Variants in ATRNL1 observed in about 807,000 individuals in gnomAD.
The protein encoded by ATRNL1 is attractin like 1, also known as attractin-like protein 1.
In ATRNL1, 95 loss-of-function variants were observed where a neutral mutation model predicts 182.7. That is an observed-to-expected ratio of 0.52 (90% confidence interval 0.44 to 0.62). The LOEUF (loss-of-function observed/expected upper bound fraction) is 0.62, where lower values mean the gene tolerates loss of function less well. ATRNL1 is among the 20% of genes least tolerant of loss of function. The pLI is 0.00. For missense variants in ATRNL1, 1,471 were observed against 1,679.5 expected, an observed-to-expected ratio of 0.88 and a Z score of 2.17; for synonymous variants, 576 against 568.3, an observed-to-expected ratio of 1.01 and a Z score of -0.19.
At chr10:115,280,420 G>A (rs749067874) in intron 13 of ATRNL1, among the ~76,000 whole-genome samples, 1 of 152,164 alleles carries the variant, frequency 6.6e-6, no homozygotes, top group African/African-American at 2.4e-5. Context: ...AAGGACCATG[G>A]TTTCATGGTG....
intron 27 of ATRNL1, among the ~76,000 whole-genome samples, chr10:115,841,668 ATTC>A (rs1197306735): frequency 6.6e-6 from 1 of 152,094 alleles, no homozygotes; most frequent in South Asian, 2.1e-4. Flanking sequence ...ATTAATATGA[ATTC>A]TTCTCCTTCC....
chr10:115,293,333 G>A (rs1307978113), intron 15 of ATRNL1, among the ~76,000 whole-genome samples: 1 of 151,844 alleles, frequency 6.6e-6, no homozygotes, highest in Admixed American at 6.6e-5. Context: ...CTTAAGTAAG[G>A]GAATTCATTT....
At position 115,265,127 on chromosome 10, in the gene ATRNL1, T is replaced by C. The variant is rs368250099; in HGVS notation, c.1688-66T>C. ...TATCTTTAATTCGGCCAATGATGTT[T>C]TCATATTATTTGTCTTAGTTTATTC... On this transcript the variant is annotated intron_variant, in intron 10 of 28. Coordinates refer to ENST00000355044, the MANE Select transcript of ATRNL1 (RefSeq NM_207303.4). The C allele has an allele frequency of 3.7e-5, 40 of 1,070,302 alleles. 1 individual carries two copies. The African/African-American group carries it at 5.7e-4, about 15-fold the overall frequency. The allele number at this position is 1,070,302 out of a possible 1,614,324, so 66.3% of individuals were successfully genotyped here.
At chr10:115,273,229 G>A (rs1383518613) in intron 13 of ATRNL1, among the ~76,000 whole-genome samples, 1 of 152,110 alleles carries the variant, frequency 6.6e-6, no homozygotes, top group Non-Finnish European at 1.5e-5. Flanking sequence ...TGCCACCATG[G>A]CCACTTTGTC....
chr10:115,923,212 T>A (rs1458359389), intron 28 of ATRNL1, among the ~76,000 whole-genome samples: 1 of 152,122 alleles, frequency 6.6e-6, no homozygotes, highest in African/African-American at 2.4e-5. Flanking sequence ...ACAAAATATA[T>A]GTACATACAC....
chr10:115,263,167 T>C (rs1851462832), intron 10 of ATRNL1, among the ~76,000 whole-genome samples: 1 of 151,898 alleles, frequency 6.6e-6, no homozygotes, highest in African/African-American at 2.4e-5. Flanking sequence ...GAGCACACAG[T>C]ACCACTTGTA....
intron 26 of ATRNL1, among the ~76,000 whole-genome samples, chr10:115,680,397 G>C (rs1946008984): frequency 6.6e-6 from 1 of 151,938 alleles, no homozygotes; most frequent in South Asian, 2.1e-4. Context: ...TCTCTGCTTT[G>C]GCCCAGAAAT....
chr10:115,852,315 T>C (rs997728574), intron 28 of ATRNL1, among the ~76,000 whole-genome samples: 4 of 152,226 alleles, frequency 2.6e-5, no homozygotes, highest in Non-Finnish European at 5.9e-5. Context: ...TTGGGCAGAA[T>C]GATTAGATTA....
At chr10:115,295,104 C>T (rs945162961) in intron 15 of ATRNL1, among the ~76,000 whole-genome samples, 15 of 151,806 alleles carry the variant, frequency 9.9e-5, no homozygotes, top group Non-Finnish European at 7.4e-5. Flanking sequence ...GATTGGTTTT[C>T]AAGCTTAAGA....
rs532360196 is a variant in ATRNL1 at position 115,921,066 on chromosome 10, T to C, written c.4019-23592T>C. On this transcript the variant is annotated intron_variant, in intron 28 of 28. Coordinates refer to ENST00000355044, the MANE Select transcript of ATRNL1 (RefSeq NM_207303.4). Reference sequence around the variant, plus strand: ...AGTCTAAGTTGCTCACAGAATAAGATAGCATTAGGAAGATTTTAGAAGACA... The same window carrying C: ...AGTCTAAGTTGCTCACAGAATAAGACAGCATTAGGAAGATTTTAGAAGACA... Among the ~76,000 whole-genome samples the C allele has an allele frequency of 2.3e-4, 35 of 152,272 alleles. 2 individuals carry two copies. The South Asian group carries it at 6.8e-3, about 30-fold the overall frequency.
intron 26 of ATRNL1, among the ~76,000 whole-genome samples, chr10:115,702,192 CA>C (rs2133997383): frequency 6.6e-6 from 1 of 151,592 alleles, no homozygotes; most frequent in Non-Finnish European, 1.5e-5. Flanking sequence ...CAATAGACAC[CA>C]AAAAGTTTTC....
rs782705759 is a variant in ATRNL1 at position 115,215,841 on chromosome 10, T to C, written c.1493T>C (p.Val498Ala). 2 of 1,585,922 alleles carry C rather than the reference T, an allele frequency of 1.3e-6. No homozygotes were observed. ...KALPGNKYGLVDDLYKYEVNT... is the reference protein window; with the variant it reads ...KALPGNKYGLADDLYKYEVNT... ...TTGCCAGGGAACAAATATGGATTGG[T>C]TGATGATCTTTATAAATATGAAGTT... Residue 498 changes from valine to alanine, a missense_variant, in exon 9 of 29, where the codon GTT becomes GCT. Coordinates refer to ENST00000355044, the MANE Select transcript of ATRNL1 (RefSeq NM_207303.4).
chr10:115,837,153 T>C (rs1329894586), intron 27 of ATRNL1, among the ~76,000 whole-genome samples: 1 of 152,152 alleles, frequency 6.6e-6, no homozygotes, highest in Non-Finnish European at 1.5e-5. Flanking sequence ...CATGATGTGG[T>C]AGTTGAGTTC....
intron 28 of ATRNL1, among the ~76,000 whole-genome samples, chr10:115,852,683 TG>T: frequency 6.6e-6 from 1 of 152,304 alleles, no homozygotes; most frequent in South Asian, 2.1e-4. Context: ...ACTGTGTCCC[TG>T]TGGATAAAGA....
At chr10:115,190,374 A>G (rs542553178) in intron 8 of ATRNL1, among the ~76,000 whole-genome samples, 2 of 152,266 alleles carry the variant, frequency 1.3e-5, no homozygotes, top group Admixed American at 6.5e-5. Flanking sequence ...TGCACTGACT[A>G]TATTAAAAAG....
intron 26 of ATRNL1, among the ~76,000 whole-genome samples, chr10:115,700,561 T>C (rs1946701720): frequency 6.6e-6 from 1 of 152,094 alleles, no homozygotes; most frequent in African/African-American, 2.4e-5. Flanking sequence ...TTTTCCTTGT[T>C]GAATTGTTTA....
At chr10:115,203,745 A>ATTTTTTTTTTT (rs71476116) in intron 8 of ATRNL1, among the ~76,000 whole-genome samples, 68 of 105,970 alleles carry the variant, frequency 6.4e-4, no homozygotes, top group East Asian at 9.0e-4. Flanking sequence ...ATGCCTGGCT[A>ATTTTTTTTTTT]TTTTTTTTTT....
At position 115,402,095 on chromosome 10, in the gene ATRNL1, G is replaced by T. The variant is rs562543153; in HGVS notation, c.3269+7343G>T. ...GATTTTCTTAAATGAATATCTCTTG[G>T]TCAAATTCTGAATAATATTATAAAA... On this transcript the variant is annotated intron_variant, in intron 20 of 28. Coordinates refer to ENST00000355044, the MANE Select transcript of ATRNL1 (RefSeq NM_207303.4). 4.6e-5 allele frequency among the ~76,000 whole-genome samples: 7 copies of T among 152,112 alleles called. No individual in the cohort carries two copies. In the South Asian group the frequency reaches 1.5e-3, roughly 32 times the overall value.
At chr10:115,465,160 G>A (rs1201023819) in intron 22 of ATRNL1, among the ~76,000 whole-genome samples, 1 of 151,546 alleles carries the variant, frequency 6.6e-6, no homozygotes, top group African/African-American at 2.4e-5. Context: ...TCAATCTAAG[G>A]TTATCTGACT....
Sources: gnomAD v4.1 joint callset for allele counts (sites outside exome capture counted in the v4.1 genomes callset) on GRCh38, gnomAD v4.1.1 for gene constraint, MANE v1.5 for transcripts, NCBI Gene and HGNC (gene_info 2026-07-23, HGNC 2026-07-21) for gene names.